The following MOV10L1 variants were observed in gnomAD, a reference collection of about 807,000 sequenced individuals.
The protein encoded by MOV10L1 is Mov10 like RNA helicase 1, also known as RNA helicase Mov10l1.
Under a neutral mutation model 143.8 loss-of-function variants are expected in MOV10L1, and 110 were observed. The ratio of observed to expected loss-of-function variants is 0.76; its 90% confidence interval spans 0.66 to 0.90. MOV10L1 has a LOEUF of 0.90. Ranked by LOEUF, MOV10L1 falls within the 40% of genes least tolerant of loss-of-function variation. MOV10L1 has a pLI of 0.00. For missense variants in MOV10L1, 1,406 were observed against 1,526.8 expected (o/e 0.92, Z 1.32); for synonymous variants, 593 against 581.1 (o/e 1.02, Z -0.29).
intron 2 of MOV10L1, among the ~76,000 whole-genome samples, chr22:50,098,212 A>AATTACGT (rs1569268404): frequency 6.7e-6 from 1 of 148,508 alleles, no homozygotes; most frequent in East Asian, 1.9e-4. Context: ...TCTTAATAAT[A>AATTACGT]ATTAAGTATT....
intron 2 of MOV10L1, among the ~76,000 whole-genome samples, chr22:50,098,218 GTATTAAGATTAACATCTTAATAATAAT>G (rs60705921): frequency 2.0e-4 from 25 of 128,098 alleles, no homozygotes; most frequent in East Asian, 1.5e-3. Flanking sequence ...TAATAATTAA[GTATTAAGATTAACATCTTAATAATAAT>G]TATTAAGATT....
chr22:50,146,987 A>C, intron 19 of MOV10L1: 1 of 1,434,080 alleles, frequency 7.0e-7, no homozygotes, highest in South Asian at 1.2e-5. Context: ...TGGCTACCGG[A>C]TTGGACAGCA....
intron 15 of MOV10L1, 151 bp downstream of exon 15, chr22:50,134,781 C>T (rs1569311184): frequency 1.5e-6 from 1 of 656,978 alleles, no homozygotes; most frequent in Non-Finnish European, 2.6e-6. Context: ...GCGTTTCCTT[C>T]TCGGAGTATT....
chr22:50,145,257 A>T (rs1385894058), intron 18 of MOV10L1, among the ~76,000 whole-genome samples: 2 of 152,200 alleles, frequency 1.3e-5, no homozygotes, highest in Non-Finnish European at 1.5e-5. Flanking sequence ...TATTGCGTTT[A>T]AAAAAGACAT....
rs933683215 is a variant in MOV10L1, at chr22:50,100,719, C to A, written c.442+1117C>A. 1.5e-4 allele frequency among the ~76,000 whole-genome samples: 23 copies of A among 152,054 alleles called. 1 individual carries two copies. The highest frequency in any genetic ancestry group is 1.2e-3 in the Admixed American group (18 of 15,258). ...ACAGGGTTTCACCATGTTGGCCAGT[C>A]TGGTCTTGAACTCCTGACCTTGTGA... is the stretch of plus-strand genomic sequence containing the variant. On this transcript the variant is annotated intron_variant, in intron 3 of 26. Coordinates refer to ENST00000262794, the MANE Select transcript of MOV10L1 (RefSeq NM_018995.3).
intron 13 of MOV10L1, among the ~76,000 whole-genome samples, chr22:50,132,207 A>C (rs1291572726): frequency 2.0e-5 from 3 of 152,146 alleles, no homozygotes; most frequent in African/African-American, 7.2e-5. Context: ...CTAGTGTATG[A>C]TATGTGCCTT....
intron 20 of MOV10L1, 69 bp from the exon 21 acceptor site, chr22:50,150,666 C>A: frequency 6.4e-7 from 1 of 1,554,412 alleles, no homozygotes. Flanking sequence ...AGCCCCATTC[C>A]CACCTGAGCC....
At position 50,099,728 on chromosome 22, in the gene MOV10L1, G is replaced by A. The variant is rs1005444849; in HGVS notation, c.442+126G>A. On this transcript the variant is annotated intron_variant, in intron 3 of 26. Coordinates refer to ENST00000262794, the MANE Select transcript of MOV10L1 (RefSeq NM_018995.3). ...TTTGTCAGGCTGAGACAGGAGGATCGCTTGAGCCCAGGAGTTGGAGGCTGC... is the reference window on the plus strand; with the variant it reads ...TTTGTCAGGCTGAGACAGGAGGATCACTTGAGCCCAGGAGTTGGAGGCTGC... The A allele has an allele frequency of 6.4e-5, 75 of 1,173,012 alleles. 1 individual carries two copies. In the Admixed American group the frequency reaches 1.8e-3, roughly 28 times the overall value. 72.7% of individuals were successfully genotyped at this position (1,173,012 alleles called of 1,614,324 possible). A position where few individuals can be genotyped will look rare whatever the true frequency, so the allele number is the denominator to read the frequency against.
intron 15 of MOV10L1, among the ~76,000 whole-genome samples, chr22:50,140,242 T>G (rs1400014827): frequency 6.6e-6 from 1 of 152,218 alleles, no homozygotes; most frequent in Non-Finnish European, 1.5e-5. Flanking sequence ...CGAGAGCATG[T>G]GAGCCAGCCA....
At chr22:50,101,409 G>C (rs1291982890) in intron 3 of MOV10L1, among the ~76,000 whole-genome samples, 1 of 151,744 alleles carries the variant, frequency 6.6e-6, no homozygotes. Context: ...TAGAGACGGG[G>C]TTTCAATGTG....
At chr22:50,151,224 A>G (rs1373394673) in intron 21 of MOV10L1, among the ~76,000 whole-genome samples, 1 of 152,242 alleles carries the variant, frequency 6.6e-6, no homozygotes, top group Non-Finnish European at 1.5e-5. Flanking sequence ...TCTGACCCCA[A>G]GGTCCCACTG....
At chr22:50,120,766 G>A (rs1033022005) in intron 10 of MOV10L1, 150 bp downstream of exon 10, 12 of 630,748 alleles carry the variant, frequency 1.9e-5, no homozygotes, top group South Asian at 4.1e-5. Context: ...CTGCCTGGCC[G>A]TGAGGGATGA....
intron 15 of MOV10L1, among the ~76,000 whole-genome samples, chr22:50,139,462 A>G (rs2062921013): frequency 6.6e-6 from 1 of 152,046 alleles, no homozygotes; most frequent in South Asian, 2.1e-4. Context: ...TTTTAGTCCC[A>G]GTGACCCAGG....
intron 8 of MOV10L1, among the ~76,000 whole-genome samples, chr22:50,115,609 T>C (rs769789946): frequency 6.6e-6 from 1 of 152,096 alleles, no homozygotes; most frequent in Non-Finnish European, 1.5e-5. Context: ...AGAAAAAGCA[T>C]TGGTCTAGAA....
rs757521598 is a variant in MOV10L1 at position 50,160,692 on chromosome 22, G to A, written c.3329G>A (p.Arg1110Gln). ...EYLVIIISTV[R>Q]SNEDRFEDDR... is the part of the protein sequence containing the mutation. ...TTCATCTCTGTGTGCTTTTAGGTAC[G>A]GTCAAATGAAGATAGATTTGAAGAT... is the stretch of plus-strand genomic sequence containing the variant. The change falls in exon 25 of 27, where the codon CGG becomes CAG. Residue 1110 changes from arginine to glutamine, a missense_variant. By Grantham distance (43) the Arg-to-Gln change is conservative (BLOSUM62 1). Coordinates refer to ENST00000262794, the MANE Select transcript of MOV10L1 (RefSeq NM_018995.3). 180 of 1,613,422 alleles carry A rather than the reference G, an allele frequency of 1.1e-4. No homozygotes were observed. The highest frequency in any genetic ancestry group is 1.5e-4 in the Non-Finnish European group (173 of 1,179,822).
intron 20 of MOV10L1, among the ~76,000 whole-genome samples, chr22:50,150,026 G>A (rs2063254628): frequency 1.3e-5 from 2 of 152,198 alleles, no homozygotes; most frequent in South Asian, 4.1e-4. Context: ...GGGCGGACAG[G>A]GCCAGTGCTC....
At chr22:50,143,813 A>G (rs1439012949) in intron 17 of MOV10L1, among the ~76,000 whole-genome samples, 1 of 152,080 alleles carries the variant, frequency 6.6e-6, no homozygotes, top group Admixed American at 6.6e-5. Flanking sequence ...TGAGCGCACA[A>G]TTGTACCACA....
intron 12 of MOV10L1, among the ~76,000 whole-genome samples, chr22:50,127,044 G>A (rs1233775132): frequency 6.6e-6 from 1 of 152,118 alleles, no homozygotes; most frequent in Non-Finnish European, 1.5e-5. Flanking sequence ...AATGAATTAG[G>A]CCATCGCCTG....
chr22:50,115,382 T>G, intron 8 of MOV10L1, 136 bp downstream of exon 8: 1 of 994,898 alleles, frequency 1.0e-6, no homozygotes, highest in East Asian at 3.0e-5. Flanking sequence ...CTGGCCACCA[T>G]GGCGAAACCC....
Sources: allele counts gnomAD v4.1 joint callset (sites outside exome capture counted in the v4.1 genomes callset), GRCh38; gene constraint gnomAD v4.1.1; transcripts MANE v1.5; gene names NCBI Gene and HGNC (gene_info 2026-07-23, HGNC 2026-07-21).